DIP2B: variants seen among roughly 807,000 people sequenced by gnomAD.
DIP2B encodes the protein DIP2 acetate--CoA ligase B (putative), also known as disco-interacting protein 2 homolog B.
DIP2B carries 76 observed loss-of-function variants against 198.0 expected under a neutral mutation model. That is an observed-to-expected ratio of 0.38 (90% confidence interval 0.32 to 0.46). DIP2B has a LOEUF of 0.46. DIP2B is among the 20% of genes least tolerant of loss of function. The pLI is 0.99. For synonymous variants in DIP2B, 701 were observed against 739.1 expected, an observed-to-expected ratio of 0.95 and a Z score of 0.84; for missense variants, 1,559 against 1,978.4, an observed-to-expected ratio of 0.79 and a Z score of 4.02.
intron 12 of DIP2B, 130 bp downstream of exon 12, chr12:50,686,812 T>C (rs1349746755): frequency 1.2e-6 from 1 of 824,364 alleles, no homozygotes; most frequent in African/African-American, 1.7e-5. Flanking sequence ...GATTTCCATC[T>C]TTTGGCTTGT....
chr12:50,556,558 CT>C (rs11390796), intron 1 of DIP2B, among the ~76,000 whole-genome samples: 18 of 146,222 alleles, frequency 1.2e-4, no homozygotes, highest in Admixed American at 2.7e-4. Flanking sequence ...TATTGTGAGA[CT>C]TTTTTTTTTT....
At chr12:50,546,082 C>A (rs1354834315) in intron 1 of DIP2B, among the ~76,000 whole-genome samples, 1 of 152,210 alleles carries the variant, frequency 6.6e-6, no homozygotes, top group East Asian at 1.9e-4. Context: ...CCATTCTGCA[C>A]TGATTGTATT....
intron 1 of DIP2B, among the ~76,000 whole-genome samples, chr12:50,515,681 T>C (rs1958057846): frequency 6.6e-6 from 1 of 152,194 alleles, no homozygotes; most frequent in African/African-American, 2.4e-5. Context: ...TTTGTGTCTG[T>C]TCTTCACCTC....
chr12:50,630,612 C>T (rs1198562833), intron 2 of DIP2B, among the ~76,000 whole-genome samples: 3 of 150,492 alleles, frequency 2.0e-5, no homozygotes, highest in South Asian at 2.1e-4. Context: ...TCTTAAAGGA[C>T]ACAAGGACTT....
chr12:50,524,011 A>G (rs76050071), intron 1 of DIP2B, among the ~76,000 whole-genome samples: 13,845 of 152,084 alleles, frequency 0.091, 939 homozygotes, highest in African/African-American at 0.18. Context: ...TCAAAGGAAA[A>G]ATATTTAAAG....
rs370320135 is a variant in DIP2B at position 50,714,615 on chromosome 12, A to G, written c.2851+19A>G. 2 of 1,613,494 alleles carry G rather than the reference A, an allele frequency of 1.2e-6. No individual in the cohort carries two copies. The highest frequency in any genetic ancestry group is 1.3e-5 in the African/African-American group (1 of 74,938). On this transcript the variant is annotated intron_variant, in intron 23 of 37. Transcript: ENST00000301180. ...CAACCAGGTAATATGCTGGCTTCCA[A>G]GACCTGGCACTAAAATTCCAACTTC... is the stretch of plus-strand genomic sequence containing the variant.
chr12:50,600,931 C>CACT (rs1565840636), intron 1 of DIP2B, among the ~76,000 whole-genome samples: 1 of 144,904 alleles, frequency 6.9e-6, no homozygotes, highest in African/African-American at 2.8e-5. Context: ...CCACCACCAC[C>CACT]ACCACCACTA....
At chr12:50,696,202 C>T (rs1939308944) in intron 16 of DIP2B, among the ~76,000 whole-genome samples, 1 of 152,178 alleles carries the variant, frequency 6.6e-6, no homozygotes, top group Non-Finnish European at 1.5e-5. Flanking sequence ...GCCATTTTTC[C>T]TCCTGCCCCA....
At chr12:50,693,150 T>C in intron 14 of DIP2B, 137 bp downstream of exon 14, 2 of 759,200 alleles carry the variant, frequency 2.6e-6, no homozygotes, top group Non-Finnish European at 4.2e-6. Flanking sequence ...CCAGAGGCTA[T>C]ATAACCTTTC....
At chr12:50,591,094 C>G (rs949659354) in intron 1 of DIP2B, among the ~76,000 whole-genome samples, 5 of 152,194 alleles carry the variant, frequency 3.3e-5, no homozygotes, top group Admixed American at 3.3e-4. Flanking sequence ...ACACCAGATG[C>G]TTTGCTGTTG....
chr12:50,656,412 C>T (rs554993753), intron 3 of DIP2B, among the ~76,000 whole-genome samples: 2 of 152,174 alleles, frequency 1.3e-5, no homozygotes, highest in East Asian at 1.9e-4. Context: ...GGAACTGTGT[C>T]CAAAGGACAT....
intron 14 of DIP2B, among the ~76,000 whole-genome samples, chr12:50,694,836 T>C (rs1236765649): frequency 6.6e-6 from 1 of 152,064 alleles, no homozygotes; most frequent in African/African-American, 2.4e-5. Context: ...AGCCAAACAA[T>C]GGAATACTGT....
rs1367112931 is a variant in DIP2B at position 50,545,307 on chromosome 12, TCTTCCTCC to T, written c.100+40080_100+40087del. Reference sequence around the variant, plus strand: ...CTTACCAATACTTGCTTGCTTGCTCTCTTCCTCCCTTCCTCCCTTCATCCCTCCCTCCC... The same window carrying T: ...CTTACCAATACTTGCTTGCTTGCTCTCTTCCTCCCTTCATCCCTCCCTCCC... On this transcript the variant is annotated intron_variant, in intron 1 of 37. Transcript: ENST00000301180. 2.3e-3 allele frequency among the ~76,000 whole-genome samples: 355 copies of T among 151,840 alleles called. 1 individual carries two copies. Among genetic ancestry groups the T allele is most frequent in the South Asian group, 3.3e-3 (16 of 4,800 alleles).
chr12:50,547,860 G>C (rs545390889), intron 1 of DIP2B, among the ~76,000 whole-genome samples: 1 of 152,104 alleles, frequency 6.6e-6, no homozygotes, highest in Non-Finnish European at 1.5e-5. Context: ...CTTGAGGACA[G>C]GAGTTCGAGA....
intron 1 of DIP2B, among the ~76,000 whole-genome samples, chr12:50,584,977 A>G (rs1185214117): frequency 6.6e-6 from 1 of 151,906 alleles, no homozygotes; most frequent in Non-Finnish European, 1.5e-5. Flanking sequence ...CTTCGTTTCT[A>G]CCTTTTTTCC....
intron 1 of DIP2B, among the ~76,000 whole-genome samples, chr12:50,524,643 C>T (rs1345752060): frequency 6.6e-6 from 1 of 152,218 alleles, no homozygotes; most frequent in Non-Finnish European, 1.5e-5. Flanking sequence ...GCAGGTGATA[C>T]AGCAGTGATT....
chr12:50,594,845 GTT>G (rs1344554867), intron 1 of DIP2B, among the ~76,000 whole-genome samples: 1 of 152,066 alleles, frequency 6.6e-6, no homozygotes, highest in African/African-American at 2.4e-5. Context: ...ATGTTTTGCT[GTT>G]TTTATTTCAC....
chr12:50,719,308 C>T (rs1939790523), intron 25 of DIP2B, among the ~76,000 whole-genome samples: 1 of 152,160 alleles, frequency 6.6e-6, no homozygotes, highest in Non-Finnish European at 1.5e-5. Flanking sequence ...GCCAACAATG[C>T]AATTACATAG....
intron 17 of DIP2B, among the ~76,000 whole-genome samples, chr12:50,697,703 A>T (rs908941366): frequency 1.6e-4 from 24 of 150,860 alleles, no homozygotes; most frequent in African/African-American, 4.6e-4. Flanking sequence ...CTAATTTTTA[A>T]ATTTTTTTGT....
Sources: allele counts gnomAD v4.1 joint callset (sites outside exome capture counted in the v4.1 genomes callset), GRCh38; gene constraint gnomAD v4.1.1; transcripts MANE v1.5; gene names NCBI Gene and HGNC (gene_info 2026-07-23, HGNC 2026-07-21).